The following ANO4 variants were observed in gnomAD, a reference collection of about 807,000 sequenced individuals.
ANO4 encodes the protein anoctamin-4.
Under a neutral mutation model 141.9 loss-of-function variants are expected in ANO4, and 69 were observed. That is an observed-to-expected ratio of 0.49 (90% CI 0.40 to 0.59). The LOEUF is 0.59. ANO4 is among the 20% of genes least tolerant of loss of function. ANO4 has a pLI of 0.00. For synonymous variants in ANO4, 350 were observed against 394.3 expected, an observed-to-expected ratio of 0.89 and a Z score of 1.33; for missense variants, 894 against 1,162.2, an observed-to-expected ratio of 0.77 and a Z score of 3.36.
intron 14 of ANO4, among the ~76,000 whole-genome samples, chr12:101,069,806 A>T (rs2048735824): frequency 6.6e-6 from 1 of 152,096 alleles, no homozygotes; most frequent in South Asian, 2.1e-4. Context: ...TAAATATTTG[A>T]GGGGAGAAAA....
At chr12:100,881,531 T>C (rs1052975949) in intron 1 of ANO4, among the ~76,000 whole-genome samples, 1 of 152,176 alleles carries the variant, frequency 6.6e-6, no homozygotes, top group Non-Finnish European at 1.5e-5. Context: ...TTTAGGTTTT[T>C]CCATTAAGCC....
intron 1 of ANO4, among the ~76,000 whole-genome samples, chr12:100,889,934 A>G (rs1229532171): frequency 2.0e-5 from 3 of 152,132 alleles, no homozygotes; most frequent in East Asian, 3.8e-4. Flanking sequence ...TCATAAATCC[A>G]TTTTTCACCA....
chr12:100,949,823 T>C (rs1175481534), intron 5 of ANO4, among the ~76,000 whole-genome samples: 3 of 152,192 alleles, frequency 2.0e-5, no homozygotes, highest in African/African-American at 7.2e-5. Context: ...TTTAGATTCA[T>C]CTGGGTATAA....
At chr12:101,098,248 C>A (rs2050061557) in intron 21 of ANO4, among the ~76,000 whole-genome samples, 1 of 152,204 alleles carries the variant, frequency 6.6e-6, no homozygotes, top group Non-Finnish European at 1.5e-5. Context: ...CGGGCTCCAG[C>A]ATTGCAAGTC....
intron 5 of ANO4, among the ~76,000 whole-genome samples, chr12:100,949,196 C>A (rs1207092158): frequency 6.6e-6 from 1 of 152,194 alleles, no homozygotes; most frequent in Non-Finnish European, 1.5e-5. Context: ...CCTGGTGAGA[C>A]CCTAAAGCAG....
chr12:100,900,830 G>C (rs1328075799), intron 1 of ANO4, among the ~76,000 whole-genome samples: 1 of 152,126 alleles, frequency 6.6e-6, no homozygotes, highest in East Asian at 1.9e-4. Flanking sequence ...GCTAGTAAAG[G>C]CAGGATAAAT....
chr12:101,057,764 T>A (rs2048181745), intron 14 of ANO4, among the ~76,000 whole-genome samples: 1 of 152,142 alleles, frequency 6.6e-6, no homozygotes, highest in Non-Finnish European at 1.5e-5. Context: ...GGATATTAGC[T>A]CTTTGTCAGA....
At chr12:100,848,687 A>G (rs1401265207) in intron 1 of ANO4, among the ~76,000 whole-genome samples, 1 of 151,782 alleles carries the variant, frequency 6.6e-6, no homozygotes, top group Non-Finnish European at 1.5e-5. Context: ...ACCCCCTCAC[A>G]CTCTTCTACT....
At chr12:100,868,166 C>T (rs955768925) in intron 1 of ANO4, among the ~76,000 whole-genome samples, 1 of 152,188 alleles carries the variant, frequency 6.6e-6, no homozygotes, top group South Asian at 2.1e-4. Flanking sequence ...GCACAGTCAC[C>T]CTGGAAACAG....
intron 8 of ANO4, among the ~76,000 whole-genome samples, chr12:101,006,119 T>C (rs537118433): frequency 1.3e-3 from 196 of 152,244 alleles, no homozygotes; most frequent in Non-Finnish European, 2.7e-3. Context: ...ATGCAACCAA[T>C]AAATAAAAAG....
chr12:100,728,341 A>T (rs1020538930), intron 1 of ANO4, among the ~76,000 whole-genome samples: 1 of 152,244 alleles, frequency 6.6e-6, no homozygotes, highest in South Asian at 2.1e-4. Flanking sequence ...CAGTCCTCTG[A>T]AAACAGTAGA....
At chr12:100,970,887 G>C (rs1592879653) in intron 5 of ANO4, among the ~76,000 whole-genome samples, 1 of 152,026 alleles carries the variant, frequency 6.6e-6, no homozygotes, top group Non-Finnish European at 1.5e-5. Context: ...CCTAGCTAAT[G>C]TTTGTATTTT....
intron 2 of ANO4, among the ~76,000 whole-genome samples, chr12:100,739,281 C>T (rs539325092): frequency 6.6e-6 from 1 of 152,034 alleles, no homozygotes; most frequent in South Asian, 2.1e-4. Flanking sequence ...ATGTCTCAGA[C>T]CCTATCCCTA....
At chr12:100,770,781 A>ATT (rs10652346) in intron 3 of ANO4, among the ~76,000 whole-genome samples, 15,709 of 131,044 alleles carry the variant, frequency 0.12, 1,034 homozygotes, top group East Asian at 0.2. Flanking sequence ...CTTGGCTTGA[A>ATT]TTTTTTTTTT....
At chr12:100,765,998 T>C (rs2033066064) in intron 3 of ANO4, among the ~76,000 whole-genome samples, 1 of 152,160 alleles carries the variant, frequency 6.6e-6, no homozygotes, top group South Asian at 2.1e-4. Context: ...AATTGAAATT[T>C]TGTACCCTTT....
chr12:100,815,904 A>G lies in ANO4; in HGVS notation c.-141+20877A>G, dbSNP rs529552172. ...GCATATTTAAATATTGCAGTAAGCA[A>G]TAATACTTTTATCCATTTATGCAAC... On this transcript the variant is annotated intron_variant, in intron 1 of 27. Transcript: ENST00000392977. 3.1e-3 allele frequency among the ~76,000 whole-genome samples: 479 copies of G among 152,204 alleles called. 2 individuals carry two copies. Among genetic ancestry groups the G allele is most frequent in the African/African-American group, 0.011 (465 of 41,572 alleles).
intron 14 of ANO4, among the ~76,000 whole-genome samples, chr12:101,067,299 A>G (rs1483177069): frequency 1.3e-5 from 2 of 152,164 alleles, no homozygotes; most frequent in East Asian, 3.9e-4. Context: ...AGTCTTATTT[A>G]CCTTTAGGTT....
intron 17 of ANO4, among the ~76,000 whole-genome samples, chr12:101,092,450 G>A (rs530733399): frequency 2.0e-5 from 3 of 152,250 alleles, no homozygotes; most frequent in South Asian, 2.1e-4. Flanking sequence ...CAAACTTCCC[G>A]TGGTTTATCT....
intron 1 of ANO4, among the ~76,000 whole-genome samples, chr12:100,888,754 C>T (rs911335498): frequency 6.6e-5 from 10 of 152,130 alleles, no homozygotes; most frequent in African/African-American, 1.4e-4. Flanking sequence ...CCATCTCCAG[C>T]CTTTCAGTTT....
Sources: gnomAD v4.1 joint callset for allele counts (sites outside exome capture counted in the v4.1 genomes callset) on GRCh38, gnomAD v4.1.1 for gene constraint, MANE v1.5 for transcripts, NCBI Gene and HGNC (gene_info 2026-07-23, HGNC 2026-07-21) for gene names.